The following ABCC1 variants were observed in gnomAD, a reference collection of about 807,000 sequenced individuals.
ABCC1 encodes the protein ATP binding cassette subfamily C member 1 (ABCC1 blood group), also known as multidrug resistance-associated protein 1.
A neutral mutation model predicts 172.9 loss-of-function variants in ABCC1; 83 were observed. The observed-to-expected ratio is 0.48, with a 90% CI of 0.40 to 0.58. The LOEUF (loss-of-function observed/expected upper bound fraction) is 0.58, where lower values mean the gene tolerates loss of function less well. ABCC1 is among the 20% of genes least tolerant of loss of function. ABCC1 has a pLI of 0.00. For missense variants in ABCC1, 1,817 were observed against 2,002.7 expected (o/e 0.91, Z 1.77); for synonymous variants, 937 against 825.2 (o/e 1.14, Z -2.32).
intron 12 of ABCC1, among the ~76,000 whole-genome samples, chr16:16,062,640 C>G (rs2049964749): frequency 1.3e-5 from 2 of 152,180 alleles, no homozygotes; most frequent in Admixed American, 6.5e-5. Flanking sequence ...AGACCTTGTC[C>G]TGGCCGAGGC....
At chr16:16,127,206 A>G (rs1227923143) in intron 26 of ABCC1, among the ~76,000 whole-genome samples, 1 of 152,088 alleles carries the variant, frequency 6.6e-6, no homozygotes, top group Non-Finnish European at 1.5e-5. Context: ...AGAGTAATGC[A>G]CTCAGTCTTT....
chr16:16,096,042 G>A (rs1294210691), intron 19 of ABCC1, among the ~76,000 whole-genome samples: 4 of 152,072 alleles, frequency 2.6e-5, no homozygotes, highest in East Asian at 1.9e-4. Context: ...CAAGGTAGGC[G>A]GATCACCTGA....
chr16:16,062,977 G>C lies in ABCC1; in HGVS notation c.1678-5179G>C, dbSNP rs528390512. ...GAGCTTCTTGCCTTCTGTTTACCCT[G>C]AATCTCCCTTTGTTAGAATAATTCA... On this transcript the variant is annotated intron_variant, in intron 12 of 30. Coordinates refer to ENST00000399410, the MANE Select transcript of ABCC1 (RefSeq NM_004996.4). Among the ~76,000 whole-genome samples the C allele has an allele frequency of 5.3e-5, 8 of 152,236 alleles. No homozygotes were observed. In the South Asian group the frequency reaches 6.2e-4, roughly 12 times the overall value.
At chr16:15,997,804 C>T (rs1189421647) in intron 1 of ABCC1, among the ~76,000 whole-genome samples, 1 of 131,868 alleles carries the variant, frequency 7.6e-6, no homozygotes, top group African/African-American at 2.9e-5. Flanking sequence ...GGCCTCGATA[C>T]CTTTTTTTTT....
At chr16:16,024,025 C>T (rs2048285368) in intron 5 of ABCC1, among the ~76,000 whole-genome samples, 1 of 152,042 alleles carries the variant, frequency 6.6e-6, no homozygotes, top group South Asian at 2.1e-4. Context: ...TCAAGACCAG[C>T]CTGGCCAACG....
At position 16,117,747 on chromosome 16, in the gene ABCC1, A is replaced by C. The variant is rs1405042101; in HGVS notation, c.3390+2671A>C. Among the ~76,000 whole-genome samples the C allele has an allele frequency of 2.6e-5, 4 of 152,168 alleles. No individual in the cohort carries two copies. In the East Asian group the frequency reaches 7.7e-4, roughly 29 times the overall value. ...ATGGTGAAACCCCACCTCTACTAAA[A>C]ATACAAAAATTAGCCAGGTGTGGTG... On this transcript the variant is annotated intron_variant, in intron 23 of 30. Transcript: ENST00000399410.
At chr16:16,032,200 A>G (rs1281116210) in intron 5 of ABCC1, among the ~76,000 whole-genome samples, 1 of 152,172 alleles carries the variant, frequency 6.6e-6, no homozygotes, top group African/African-American at 2.4e-5. Flanking sequence ...CATGTTGGCT[A>G]GGATGGTCTC....
intron 27 of ABCC1, 42 bp downstream of exon 27, chr16:16,131,977 G>A: frequency 6.3e-7 from 1 of 1,594,286 alleles, no homozygotes; most frequent in South Asian, 1.1e-5. Flanking sequence ...TTCCCAGTCG[G>A]GCACAGGGTG....
At chr16:16,021,870 C>T (rs946852952) in intron 5 of ABCC1, among the ~76,000 whole-genome samples, 1 of 152,152 alleles carries the variant, frequency 6.6e-6, no homozygotes, top group African/African-American at 2.4e-5. Flanking sequence ...CCTTTGGGGA[C>T]GTCAGCAGCC....
intron 20 of ABCC1, among the ~76,000 whole-genome samples, chr16:16,104,732 G>C (rs907298247): frequency 6.6e-6 from 1 of 152,120 alleles, no homozygotes; most frequent in African/African-American, 2.4e-5. Context: ...GCACTCGTCC[G>C]GGAGGCTCGG....
At chr16:16,011,106 G>A (rs4781719) in intron 3 of ABCC1, among the ~76,000 whole-genome samples, 33,389 of 152,036 alleles carry the variant, frequency 0.22, 4,670 homozygotes, top group African/African-American at 0.39. Context: ...GGTGGCACAC[G>A]CCTGTAGTCC....
At chr16:16,097,020 T>TA (rs1177876236) in intron 19 of ABCC1, among the ~76,000 whole-genome samples, 1 of 152,222 alleles carries the variant, frequency 6.6e-6, no homozygotes, top group East Asian at 1.9e-4. Flanking sequence ...TTGTGGCACT[T>TA]ATTGCTGCCT....
At chr16:16,001,223 A>G (rs1201674165) in intron 1 of ABCC1, among the ~76,000 whole-genome samples, 1 of 151,524 alleles carries the variant, frequency 6.6e-6, no homozygotes, top group Non-Finnish European at 1.5e-5. Context: ...TTTATTTTTT[A>G]TGTTTTGAGA....
intron 1 of ABCC1, among the ~76,000 whole-genome samples, chr16:15,965,211 C>T (rs992559553): frequency 2.0e-5 from 3 of 151,964 alleles, no homozygotes; most frequent in African/African-American, 7.3e-5. Flanking sequence ...ATCGATAGTT[C>T]CCTGTGTTGG....
rs922876428 is a variant in ABCC1 at position 16,141,595 on chromosome 16, G to A, written c.*314G>A. The A allele has an allele frequency of 8.5e-6, 3 of 352,856 alleles. No homozygotes were observed. The Admixed American group carries it at 1.3e-4, about 16-fold the overall frequency. 21.9% of individuals were successfully genotyped at this position (352,856 alleles called of 1,614,324 possible). On this transcript the variant is annotated 3_prime_UTR_variant, in exon 31 of 31. Transcript: ENST00000399410. The stretch of plus-strand genomic sequence containing the variant: ...TGGTTTCCTGGTGCTTCCCACGGAG[G>A]AGTTTTGGCAGCCAGACTTCTGGAG...
intron 1 of ABCC1, among the ~76,000 whole-genome samples, chr16:15,982,824 A>AAAAAAAAAAAAAAAT (rs2046655505): frequency 6.9e-6 from 1 of 144,738 alleles, no homozygotes. Context: ...AAAAAAAAAA[A>AAAAAAAAAAAAAAAT]GGAAATCCAT....
At position 16,141,232 on chromosome 16, in the gene ABCC1, A is replaced by G; in HGVS notation, c.4547A>G (p.Gln1516Arg). 3 of 1,614,098 alleles carry G rather than the reference A, an allele frequency of 1.9e-6. No homozygotes were observed. The highest frequency in any genetic ancestry group is 2.5e-6 in the Non-Finnish European group (3 of 1,180,016). ...QEYGAPSDLL[Q>R]QRGLFYSMAK... is the part of the protein sequence containing the mutation. Reference sequence around the variant, plus strand: ...TACGGCGCCCCATCGGACCTCCTGCAGCAGAGAGGTCTTTTCTACAGCATG... The same window carrying G: ...TACGGCGCCCCATCGGACCTCCTGCGGCAGAGAGGTCTTTTCTACAGCATG... Residue 1516 changes from glutamine (Q) to arginine (R), a missense_variant, in exon 31 of 31, where the codon CAG (glutamine) becomes CGG (arginine). By Grantham distance (43) the Gln-to-Arg change is conservative (BLOSUM62 1). Around this residue, in one of 3 missense-constraint regions of ABCC1, gnomAD observed 1,412 missense variants for 1,600.3 expected, o/e 0.88. Transcript: ENST00000399410.
At chr16:16,075,347 G>A (rs2050514451) in intron 14 of ABCC1, among the ~76,000 whole-genome samples, 1 of 151,900 alleles carries the variant, frequency 6.6e-6, no homozygotes, top group Non-Finnish European at 1.5e-5. Context: ...GGAGCTGGCC[G>A]GGCATGGTGT....
intron 1 of ABCC1, among the ~76,000 whole-genome samples, chr16:16,004,576 G>A (rs1489046238): frequency 1.3e-5 from 2 of 151,934 alleles, no homozygotes; most frequent in African/African-American, 2.4e-5. Flanking sequence ...CCAAAAAGAC[G>A]TGAACTTTGT....
Sources: allele counts gnomAD v4.1 joint callset (sites outside exome capture counted in the v4.1 genomes callset), GRCh38; gene constraint gnomAD v4.1.1; regional missense constraint gnomAD v4.1.1; transcripts MANE v1.5; gene names NCBI Gene and HGNC (gene_info 2026-07-23, HGNC 2026-07-21).